The following XPR1 variants were observed in gnomAD, a reference collection of about 807,000 sequenced individuals.
XPR1 encodes xenotropic and polytropic retrovirus receptor 1, also known as solute carrier family 53 member 1.
XPR1 carries 28 observed loss-of-function variants against 87.5 expected under a neutral mutation model. The ratio of observed to expected loss-of-function variants is 0.32; its 90% CI spans 0.24 to 0.44. XPR1 has a LOEUF of 0.44. XPR1 is among the 20% of genes least tolerant of loss of function. The probability of loss-of-function intolerance (pLI) is 1.00; values close to 1 mark genes in which losing one functional copy is unlikely to be tolerated. For missense variants in XPR1, 559 were observed against 862.3 expected, an observed-to-expected ratio of 0.65 and a Z score of 4.41; for synonymous variants, 300 against 306.1, an observed-to-expected ratio of 0.98 and a Z score of 0.21.
intron 2 of XPR1, among the ~76,000 whole-genome samples, chr1:180,682,679 T>A (rs922951971): frequency 1.3e-5 from 2 of 152,054 alleles, no homozygotes; most frequent in East Asian, 3.8e-4. Flanking sequence ...GTCAGAAGTT[T>A]TTCTGTGTAA....
chr1:180,864,412 G>A (rs960043893), intron 12 of XPR1, among the ~76,000 whole-genome samples: 2 of 151,970 alleles, frequency 1.3e-5, no homozygotes, highest in African/African-American at 4.8e-5. Flanking sequence ...ATGTGCTTAG[G>A]TGTCCATATT....
chr1:180,662,788 A>G (rs777816493), intron 1 of XPR1, among the ~76,000 whole-genome samples: 19 of 152,044 alleles, frequency 1.2e-4, no homozygotes, highest in Non-Finnish European at 2.4e-4. Flanking sequence ...GTTCTTGTCT[A>G]GATCTTGTAG....
At chr1:180,823,183 G>A (rs1391706720) in intron 7 of XPR1, among the ~76,000 whole-genome samples, 1 of 151,810 alleles carries the variant, frequency 6.6e-6, no homozygotes, top group African/African-American at 2.4e-5. Context: ...AGAGGTTGCA[G>A]TGAGCCAAGA....
chr1:180,796,058 T>G (rs941036352), intron 3 of XPR1, among the ~76,000 whole-genome samples: 3 of 152,182 alleles, frequency 2.0e-5, no homozygotes, highest in Admixed American at 2.0e-4. Flanking sequence ...TCCACTCACC[T>G]CGGCCTCCAA....
At chr1:180,698,218 C>T (rs944309724) in intron 2 of XPR1, among the ~76,000 whole-genome samples, 1 of 151,954 alleles carries the variant, frequency 6.6e-6, no homozygotes, top group Non-Finnish European at 1.5e-5. Context: ...CAGTTTTTGA[C>T]TTAAAGTTTG....
intron 1 of XPR1, among the ~76,000 whole-genome samples, chr1:180,668,883 A>G (rs2101927941): frequency 6.6e-6 from 1 of 152,250 alleles, no homozygotes; most frequent in South Asian, 2.1e-4. Context: ...TGAGGTCAGG[A>G]GTTCAGGACC....
chr1:180,804,522 T>A (rs1028965614), intron 4 of XPR1, among the ~76,000 whole-genome samples: 1 of 152,212 alleles, frequency 6.6e-6, no homozygotes, highest in Non-Finnish European at 1.5e-5. Context: ...TATTTTATTC[T>A]TGTGATTATT....
At chr1:180,674,539 G>A (rs6425651) in intron 1 of XPR1, among the ~76,000 whole-genome samples, 2,545 of 151,910 alleles carry the variant, frequency 0.017, 80 homozygotes, top group African/African-American at 0.056. Flanking sequence ...GATTACAGGC[G>A]TGAGCCACTG....
intron 2 of XPR1, among the ~76,000 whole-genome samples, chr1:180,744,024 G>C (rs1659003038): frequency 6.6e-6 from 1 of 152,074 alleles, no homozygotes; most frequent in South Asian, 2.1e-4. Context: ...CACCAAATTT[G>C]GGATGTTTTT....
At chr1:180,768,222 G>GT (rs199597515) in intron 2 of XPR1, among the ~76,000 whole-genome samples, 6,655 of 145,924 alleles carry the variant, frequency 0.046, 496 homozygotes, top group African/African-American at 0.15. Context: ...TTACTATAGA[G>GT]TTTTTTTTTT....
At chr1:180,806,297 A>T in intron 5 of XPR1, 86 bp downstream of exon 5, 1 of 1,558,896 alleles carries the variant, frequency 6.4e-7, no homozygotes. Flanking sequence ...GTTATTTTGT[A>T]ACTAGTTGCT....
chr1:180,719,779 A>G (rs1418637209), intron 2 of XPR1, among the ~76,000 whole-genome samples: 1 of 152,224 alleles, frequency 6.6e-6, no homozygotes, highest in African/African-American at 2.4e-5. Context: ...GCTGTAATGT[A>G]GAGAAAATGA....
At chr1:180,812,687 C>T (rs190974681) in intron 7 of XPR1, among the ~76,000 whole-genome samples, 2 of 146,096 alleles carry the variant, frequency 1.4e-5, no homozygotes, top group East Asian at 2.0e-4. Context: ...CTCACACTGT[C>T]GCCAGGTCTG....
At chr1:180,797,435 G>C (rs1649628667) in intron 3 of XPR1, among the ~76,000 whole-genome samples, 1 of 152,162 alleles carries the variant, frequency 6.6e-6, no homozygotes, top group Non-Finnish European at 1.5e-5. Context: ...GAGTTTTCCA[G>C]ATGGAGAGGC....
chr1:180,861,528 A>C (rs143371419), intron 11 of XPR1, among the ~76,000 whole-genome samples: 2 of 152,266 alleles, frequency 1.3e-5, no homozygotes, highest in African/African-American at 4.8e-5. Context: ...TTTTTTAGGC[A>C]TTTTAAGTTG....
At position 180,806,141 on chromosome 1, in the gene XPR1, G is replaced by A. The variant is rs953101710; in HGVS notation, c.527G>A (p.Arg176Gln). 1 of 1,613,676 alleles carries A rather than the reference G, an allele frequency of 6.2e-7. No individual in the cohort carries two copies. The highest frequency in any genetic ancestry group is 1.3e-5 in the African/African-American group (1 of 74,896). The part of the protein sequence containing the change: ...ILETSRGADW[R>Q]VAHVEVAPFY... Reference sequence around the variant, plus strand: ...GAAACATCTCGTGGAGCAGATTGGCGAGTGGCTCACGTAGAGGTGGCCCCA... The same window carrying A: ...GAAACATCTCGTGGAGCAGATTGGCAAGTGGCTCACGTAGAGGTGGCCCCA... Residue 176 changes from arginine (R) to glutamine (Q), a missense_variant, in exon 5 of 15, where the codon CGA (arginine) becomes CAA (glutamine). Coordinates refer to ENST00000367590, the MANE Select transcript of XPR1 (RefSeq NM_004736.4).
chr1:180,825,391 A>G (rs1650791929), intron 9 of XPR1, 47 bp downstream of exon 9: 2 of 1,555,232 alleles, frequency 1.3e-6, no homozygotes, highest in Admixed American at 3.7e-5. Flanking sequence ...CATATTGGTT[A>G]TTGACTTCCT....
chr1:180,778,300 A>T (rs550751181), intron 2 of XPR1, among the ~76,000 whole-genome samples: 1 of 152,240 alleles, frequency 6.6e-6, no homozygotes, highest in African/African-American at 2.4e-5. Flanking sequence ...TGCAGATTTT[A>T]ATAGGTATTC....
intron 2 of XPR1, among the ~76,000 whole-genome samples, chr1:180,724,742 G>A (rs1658280245): frequency 6.6e-6 from 1 of 152,134 alleles, no homozygotes; most frequent in Admixed American, 6.6e-5. Context: ...GATATGCTGA[G>A]CAAGAAAGAT....
Sources: allele counts gnomAD v4.1 joint callset (sites outside exome capture counted in the v4.1 genomes callset), GRCh38; gene constraint gnomAD v4.1.1; transcripts MANE v1.5; gene names NCBI Gene and HGNC (gene_info 2026-07-23, HGNC 2026-07-21).